The following UMAD1 variants were observed in gnomAD, a reference collection of about 807,000 sequenced individuals.
The protein encoded by UMAD1 is UBAP1-MVB12-associated (UMA) domain containing 1, also known as UBAP1-MVB12-associated (UMA)-domain containing protein 1.
UMAD1 carries 8 observed loss-of-function variants against 6.1 expected under a neutral mutation model. That is an observed-to-expected ratio of 1.30 (90% CI 0.76 to 2.35). UMAD1 has a LOEUF of 2.35. Among genes scored for constraint, UMAD1 ranks in the 30% most tolerant of loss-of-function variants. The pLI is 0.00. For missense variants in UMAD1, 130 were observed against 78.4 expected (o/e 1.66, Z -2.49); for synonymous variants, 56 against 31.4 (o/e 1.78, Z -2.61).
intron 3 of UMAD1, among the ~76,000 whole-genome samples, chr7:7,874,485 G>C (rs1483927647): frequency 6.6e-6 from 1 of 152,138 alleles, no homozygotes; most frequent in Non-Finnish European, 1.5e-5. Flanking sequence ...AAAGAAGCCA[G>C]AAGCAAGAGT....
At chr7:7,831,433 G>A (rs956673568) in intron 3 of UMAD1, among the ~76,000 whole-genome samples, 2 of 152,214 alleles carry the variant, frequency 1.3e-5, no homozygotes, top group African/African-American at 4.8e-5. Flanking sequence ...CCATTCTGGA[G>A]CCTGTCTTTC....
Position 7,655,224 on chromosome 7 carries a change from G to A in UMAD1, c.-64+14403G>A, listed in dbSNP as rs7807907. Among the ~76,000 whole-genome samples, 877 of 152,174 alleles carry A rather than the reference G, an allele frequency of 5.8e-3. 9 individuals carry two copies. Among genetic ancestry groups the A allele is most frequent in the African/African-American group, 0.02 (838 of 41,506 alleles). On this transcript the variant is annotated intron_variant, in intron 1 of 3. Transcript: ENST00000682710. ...GCCAGCCATTAAAAGTCATCCAGTC[G>A]TGGGAATAAACTAGACTGCCCCTTC...
chr7:7,789,077 A>G (rs900039002), intron 2 of UMAD1, among the ~76,000 whole-genome samples: 1 of 152,260 alleles, frequency 6.6e-6, no homozygotes, highest in African/African-American at 2.4e-5. Context: ...GGTGATATAC[A>G]TACAAGCAAA....
intron 3 of UMAD1, among the ~76,000 whole-genome samples, chr7:7,854,533 G>A (rs745560511): frequency 2.0e-5 from 3 of 152,002 alleles, no homozygotes; most frequent in Non-Finnish European, 2.9e-5. Context: ...ATCAGATCTT[G>A]TGAGAACTCA....
intron 3 of UMAD1, among the ~76,000 whole-genome samples, chr7:7,847,104 AATATATATATATATATATATATATATAT>A (rs1170307529): frequency 0.022 from 145 of 6,614 alleles, 13 homozygotes; most frequent in South Asian, 0.062. Context: ...AAAAAAAAAA[AATATATATATATATATATATATATATAT>A]ATATATATAT....
intron 1 of UMAD1, among the ~76,000 whole-genome samples, chr7:7,644,029 C>T (rs149873177): frequency 8.5e-5 from 13 of 152,120 alleles, no homozygotes; most frequent in African/African-American, 2.7e-4. Context: ...AAATGATTTC[C>T]CCAAATGGTG....
intron 3 of UMAD1, among the ~76,000 whole-genome samples, chr7:7,860,707 G>A (rs1235458535): frequency 4.7e-5 from 7 of 150,396 alleles, no homozygotes; most frequent in African/African-American, 7.3e-5. Flanking sequence ...CCCAGGAGGC[G>A]GAGCTTGCAG....
intron 3 of UMAD1, among the ~76,000 whole-genome samples, chr7:7,841,814 T>A (rs909254161): frequency 3.4e-4 from 52 of 152,196 alleles, no homozygotes; most frequent in Admixed American, 3.9e-4. Context: ...TCCAACCAGA[T>A]TTTAGCTTGC....
chr7:7,713,194 A>AT (rs1780810457), intron 2 of UMAD1, among the ~76,000 whole-genome samples: 1 of 151,740 alleles, frequency 6.6e-6, no homozygotes, highest in Non-Finnish European at 1.5e-5. Context: ...AAAAAAAAAA[A>AT]TTAGCTGGGC....
chr7:7,833,544 G>C (rs1365972575), intron 3 of UMAD1, among the ~76,000 whole-genome samples: 3 of 152,124 alleles, frequency 2.0e-5, no homozygotes, highest in Non-Finnish European at 2.9e-5. Flanking sequence ...AACATGACTG[G>C]GAAGAAAGAG....
intron 2 of UMAD1, among the ~76,000 whole-genome samples, chr7:7,715,906 T>C (rs560689875): frequency 6.6e-6 from 1 of 152,320 alleles, no homozygotes; most frequent in African/African-American, 2.4e-5. Context: ...TTACTAAACT[T>C]TGGTGAAAAC....
At chr7:7,854,685 C>A (rs1035875282) in intron 3 of UMAD1, among the ~76,000 whole-genome samples, 1 of 152,102 alleles carries the variant, frequency 6.6e-6, no homozygotes, top group Non-Finnish European at 1.5e-5. Context: ...CCATACCATC[C>A]CACCCCTGGC....
chr7:7,801,588 AG>A (rs1554330637), intron 2 of UMAD1, 81 bp from the exon 3 acceptor site: 1 of 662,202 alleles, frequency 1.5e-6, no homozygotes, highest in Non-Finnish European at 2.8e-6. Flanking sequence ...TAATAACAAA[AG>A]ATACTTCAAA....
chr7:7,862,156 T>C (rs995130996), intron 3 of UMAD1, among the ~76,000 whole-genome samples: 5 of 152,194 alleles, frequency 3.3e-5, no homozygotes, highest in Non-Finnish European at 5.9e-5. Flanking sequence ...CTGTATCTTA[T>C]GCCATTTATT....
intron 2 of UMAD1, among the ~76,000 whole-genome samples, chr7:7,783,839 A>G (rs1782401408): frequency 6.6e-6 from 1 of 152,206 alleles, no homozygotes; most frequent in African/African-American, 2.4e-5. Flanking sequence ...TAAAATGATC[A>G]GTATACTGTA....
chr7:7,825,836 A>G (rs1252753541), intron 3 of UMAD1, among the ~76,000 whole-genome samples: 1 of 152,120 alleles, frequency 6.6e-6, no homozygotes, highest in African/African-American at 2.4e-5. Flanking sequence ...GTCCCTCAGT[A>G]TATAGGGGAT....
At chr7:7,828,145 T>G (rs964112340) in intron 3 of UMAD1, among the ~76,000 whole-genome samples, 2 of 152,234 alleles carry the variant, frequency 1.3e-5, no homozygotes, top group Admixed American at 6.5e-5. Context: ...TCAAAATATC[T>G]TCACAGAATT....
chr7:7,678,664 TATAA>T (rs1779821380), intron 2 of UMAD1, among the ~76,000 whole-genome samples: 1 of 127,210 alleles, frequency 7.9e-6, no homozygotes, highest in African/African-American at 3.1e-5. Flanking sequence ...ATATTTAGTT[TATAA>T]ATATATATTT....
chr7:7,644,538 A>G (rs1047587650), intron 1 of UMAD1, among the ~76,000 whole-genome samples: 1 of 152,166 alleles, frequency 6.6e-6, no homozygotes, highest in African/African-American at 2.4e-5. Context: ...ATAGTCCGTC[A>G]TCTAGAATTC....
Sources: gnomAD v4.1 joint callset for allele counts (sites outside exome capture counted in the v4.1 genomes callset) on GRCh38, gnomAD v4.1.1 for gene constraint, MANE v1.5 for transcripts, NCBI Gene and HGNC (gene_info 2026-07-23, HGNC 2026-07-21) for gene names.